The following NWD1 variants were observed in gnomAD, a reference collection of about 807,000 sequenced individuals.
The protein encoded by NWD1 is NACHT and WD repeat domain containing 1.
Under a neutral mutation model 135.1 loss-of-function variants are expected in NWD1, and 129 were observed. That is an observed-to-expected ratio of 0.96 (90% CI 0.83 to 1.11). The LOEUF (loss-of-function observed/expected upper bound fraction) is 1.11. Among genes scored for constraint, NWD1 ranks in the 50% least tolerant of loss-of-function variants. The probability of loss-of-function intolerance (pLI) is 0.00; values close to 1 mark genes in which losing one functional copy is unlikely to be tolerated. For synonymous variants in NWD1, 773 were observed against 786.0 expected (o/e 0.98, Z 0.28); for missense variants, 1,740 against 1,851.3 (o/e 0.94, Z 1.10).
intron 10 of NWD1, among the ~76,000 whole-genome samples, chr19:16,766,305 G>A (rs558705401): frequency 1.3e-5 from 2 of 152,130 alleles, no homozygotes; most frequent in African/African-American, 4.8e-5. Context: ...GGGAAGGTGA[G>A]GTGGGAGGAT....
At chr19:16,728,002 A>G (rs547784677) in intron 2 of NWD1, among the ~76,000 whole-genome samples, 5 of 151,916 alleles carry the variant, frequency 3.3e-5, no homozygotes, top group African/African-American at 1.2e-4. Flanking sequence ...CAGAGGTTGC[A>G]GTGAGCCAAG....
At chr19:16,729,369 C>T (rs1004049149) in intron 2 of NWD1, among the ~76,000 whole-genome samples, 6 of 152,086 alleles carry the variant, frequency 3.9e-5, no homozygotes, top group African/African-American at 1.4e-4. Context: ...GGCCCTGGGG[C>T]CCATATCAGG....
intron 12 of NWD1, among the ~76,000 whole-genome samples, chr19:16,788,273 A>T (rs1341930311): frequency 2.2e-5 from 3 of 136,474 alleles, no homozygotes; most frequent in African/African-American, 8.8e-5. Context: ...AATAATAATA[A>T]TAATAATAAT....
In NWD1 at chr19:16,773,133, C is replaced by G; in HGVS notation, c.2418C>G (p.Ser806Arg). The G allele has an allele frequency of 6.2e-7, 1 of 1,613,774 alleles. No homozygotes were observed. Among genetic ancestry groups the G allele is most frequent in the Non-Finnish European group, 8.5e-7 (1 of 1,179,916 alleles). ...PAVELRGMER[S>R]LLYTELLARL... ...TACATCCCTTTGTTGCAGAGAGGAG[C>G]CTCCTGTACACAGAACTGCTGGCCA... The change falls in exon 11 of 19, where the codon AGC (serine) becomes AGG (arginine). Residue 806 changes from serine (S) to arginine (R), a missense_variant. By Grantham distance (110) the Ser-to-Arg change is moderately radical (BLOSUM62 -1). Coordinates refer to ENST00000524140, the MANE Select transcript of NWD1 (RefSeq NM_001007525.5).
At chr19:16,800,837 T>C (rs1423347620) in intron 17 of NWD1, among the ~76,000 whole-genome samples, 1 of 152,152 alleles carries the variant, frequency 6.6e-6, no homozygotes, top group Non-Finnish European at 1.5e-5. Flanking sequence ...AAACCAGATG[T>C]TGGCATTTAA....
chr19:16,795,024 C>T (rs185087485), intron 15 of NWD1, among the ~76,000 whole-genome samples: 103 of 152,262 alleles, frequency 6.8e-4, no homozygotes, highest in African/African-American at 1.8e-3. Context: ...TCAGGTGATT[C>T]GCCCACCTTA....
chr19:16,805,020 T>C (rs139067191), intron 17 of NWD1, among the ~76,000 whole-genome samples: 6 of 151,362 alleles, frequency 4.0e-5, no homozygotes, highest in African/African-American at 1.4e-4. Flanking sequence ...AAAATATTTA[T>C]TTATTTATTT....
intron 12 of NWD1, among the ~76,000 whole-genome samples, chr19:16,787,830 A>G (rs1159242589): frequency 2.0e-5 from 3 of 151,076 alleles, no homozygotes; most frequent in Non-Finnish European, 2.9e-5. Context: ...ACTGAACTCC[A>G]GCCTGGGTGA....
chr19:16,735,733 G>A lies in NWD1; in HGVS notation c.82-901G>A, dbSNP rs568316454. 2.0e-5 allele frequency among the ~76,000 whole-genome samples: 3 copies of A among 151,378 alleles called. No homozygotes were observed. In the South Asian group the frequency reaches 6.3e-4, roughly 32 times the overall value. ...TAGTTCCAGCTACTCAGGAGACTGA[G>A]GCATAAGAATCGCTTGAACCCATTA... is the stretch of plus-strand genomic sequence containing the variant. On this transcript the variant is annotated intron_variant, in intron 3 of 18. Transcript: ENST00000524140.
rs371938960 is a variant in NWD1 at position 16,750,272 on chromosome 19, C to T, written c.1630C>T (p.Arg544Trp). The change falls in exon 6 of 19, where the codon CGG becomes TGG. Residue 544 changes from arginine to tryptophan, a missense_variant. Physicochemically the swap from Arg to Trp is moderately radical, Grantham distance 101. Coordinates refer to ENST00000524140, the MANE Select transcript of NWD1 (RefSeq NM_001007525.5). ...GCTGAGGCTGGCGTTTGAGGAAGCC[C>T]GGAAATGGGCCTCTTTCACCGTGCC... ...GRLRLAFEEA[R>W]KWASFTVPVP... The T allele has an allele frequency of 4.3e-5, 69 of 1,613,462 alleles. No homozygotes were observed. The highest frequency in any genetic ancestry group is 1.4e-4 in the South Asian group (13 of 91,084).
At chr19:16,783,029 TTTTC>T (rs1340417283) in intron 12 of NWD1, among the ~76,000 whole-genome samples, 1 of 138,230 alleles carries the variant, frequency 7.2e-6, no homozygotes, top group Admixed American at 7.0e-5. Flanking sequence ...TCTTTCTTTC[TTTTC>T]TTTCTTTCTT....
At chr19:16,761,392 T>C (rs913008389) in intron 7 of NWD1, among the ~76,000 whole-genome samples, 3 of 141,966 alleles carry the variant, frequency 2.1e-5, no homozygotes, top group South Asian at 4.1e-4. Flanking sequence ...TTTTCCTTTT[T>C]TCTTTTTGGA....
chr19:16,763,915 C>T lies in NWD1; in HGVS notation c.2221C>T (p.Arg741Cys), dbSNP rs745703708. 76 of 1,613,176 alleles carry T rather than the reference C, an allele frequency of 4.7e-5. No individual in the cohort carries two copies. Among genetic ancestry groups the T allele is most frequent in the Middle Eastern group, 1.6e-4 (1 of 6,074 alleles). The change falls in exon 9 of 19, where the codon CGC (arginine) becomes TGC (cysteine). Residue 741 changes from arginine to cysteine, a missense_variant. Physicochemically the swap from Arg to Cys is radical, Grantham distance 180. Coordinates refer to ENST00000524140, the MANE Select transcript of NWD1 (RefSeq NM_001007525.5). Reference protein sequence around the residue: ...ELPYHLLHSGRLEELKQEVLG... With the variant: ...ELPYHLLHSGCLEELKQEVLG... Reference sequence around the variant, plus strand: ...GCCCTATCACCTGCTTCACTCGGGCCGCCTGGAGGAGCTGAAACAGGAGGT... The same window carrying T: ...GCCCTATCACCTGCTTCACTCGGGCTGCCTGGAGGAGCTGAAACAGGAGGT...
At chr19:16,794,654 G>A (rs556567410) in intron 15 of NWD1, 101 bp downstream of exon 15, 1 of 801,086 alleles carries the variant, frequency 1.2e-6, no homozygotes, top group Non-Finnish European at 2.1e-6. Context: ...AGGGCCAGAG[G>A]TTAGCAACGT....
intron 8 of NWD1, 56 bp downstream of exon 8, chr19:16,762,194 G>T: frequency 1.3e-6 from 2 of 1,528,550 alleles, no homozygotes; most frequent in Admixed American, 1.8e-5. Context: ...GCCTGGCATT[G>T]CTCACCTCCT....
chr19:16,775,891 C>G (rs1266961978), intron 11 of NWD1, among the ~76,000 whole-genome samples: 1 of 152,134 alleles, frequency 6.6e-6, no homozygotes, highest in Non-Finnish European at 1.5e-5. Flanking sequence ...TGGTCTCAAA[C>G]TCCTGACCTC....
At position 16,817,336 on chromosome 19, in the gene NWD1, C is replaced by T. The variant is rs1050590014; in HGVS notation, c.*2297C>T. The T allele has an allele frequency of 6.6e-6, 1 of 151,432 alleles. No homozygotes were observed. Among genetic ancestry groups the T allele is most frequent in the Non-Finnish European group, 1.5e-5 (1 of 68,006 alleles). The allele number at this position is 151,432 out of a possible 1,614,324, so 9.4% of individuals were successfully genotyped here. A position where few individuals can be genotyped will look rare whatever the true frequency, so the allele number is the denominator to read the frequency against. On this transcript the variant is annotated 3_prime_UTR_variant, in exon 19 of 19. Coordinates refer to ENST00000524140, the MANE Select transcript of NWD1 (RefSeq NM_001007525.5). ...AATAATGGCAAAAGCCTCGGTGGCT[C>T]ACGCCTGTAATCCCAGCACTTTGGG... is the stretch of plus-strand genomic sequence containing the variant.
At chr19:16,786,063 C>T (rs1970030194) in intron 12 of NWD1, among the ~76,000 whole-genome samples, 1 of 152,100 alleles carries the variant, frequency 6.6e-6, no homozygotes, top group Non-Finnish European at 1.5e-5. Context: ...CAAGGTTTTG[C>T]CATGTTGGCC....
chr19:16,726,639 C>T, intron 2 of NWD1, among the ~76,000 whole-genome samples: 1 of 151,922 alleles, frequency 6.6e-6, no homozygotes, highest in East Asian at 1.9e-4. Flanking sequence ...AGGGTTTCAC[C>T]ATGTTGGCCA....
Sources: allele counts gnomAD v4.1 joint callset (sites outside exome capture counted in the v4.1 genomes callset), GRCh38; gene constraint gnomAD v4.1.1; transcripts MANE v1.5; gene names NCBI Gene and HGNC (gene_info 2026-07-23, HGNC 2026-07-21).